The following ATP8B4 variants were observed in gnomAD, a reference collection of about 807,000 sequenced individuals.
ATP8B4 encodes the protein ATPase phospholipid transporting 8B4 (putative).
Under a neutral mutation model 145.6 loss-of-function variants are expected in ATP8B4, and 133 were observed. The observed-to-expected ratio is 0.91, with a 90% CI of 0.79 to 1.05. The LOEUF (loss-of-function observed/expected upper bound fraction) is 1.05. Ranked by LOEUF, ATP8B4 falls within the 50% of genes least tolerant of loss-of-function variation. The probability of loss-of-function intolerance (pLI) is 0.00; values close to 1 mark genes in which losing one functional copy is unlikely to be tolerated. For synonymous variants in ATP8B4, 507 were observed against 492.9 expected (o/e 1.03, Z -0.38); for missense variants, 1,458 against 1,425.2 (o/e 1.02, Z -0.37).
chr15:50,035,501 C>G (rs2050767013), intron 6 of ATP8B4, among the ~76,000 whole-genome samples: 1 of 152,096 alleles, frequency 6.6e-6, no homozygotes, highest in Non-Finnish European at 1.5e-5. Flanking sequence ...GCCATGAAAC[C>G]CTGGGCTAGT....
intron 6 of ATP8B4, among the ~76,000 whole-genome samples, chr15:50,026,830 C>A (rs1207024483): frequency 2.0e-5 from 3 of 152,230 alleles, no homozygotes; most frequent in Admixed American, 6.5e-5. Flanking sequence ...AAGAGTCTTA[C>A]AATGAGTAGC....
intron 27 of ATP8B4, 59 bp downstream of exon 27, chr15:49,862,186 G>T: frequency 1.3e-6 from 2 of 1,570,730 alleles, no homozygotes; most frequent in Non-Finnish European, 8.7e-7. Flanking sequence ...AGGCAGAAAA[G>T]GACACCATTT....
At chr15:50,051,516 C>CA (rs1314827572) in intron 3 of ATP8B4, among the ~76,000 whole-genome samples, 6 of 152,116 alleles carry the variant, frequency 3.9e-5, no homozygotes, top group Non-Finnish European at 4.4e-5. Flanking sequence ...GTACTGAAAA[C>CA]CGTTCTGAAA....
chr15:49,890,202 G>A (rs752825386), intron 23 of ATP8B4, among the ~76,000 whole-genome samples: 2 of 152,220 alleles, frequency 1.3e-5, no homozygotes, highest in African/African-American at 4.8e-5. Flanking sequence ...GTTGGTAAAT[G>A]AGCAAGCATT....
At chr15:50,023,779 C>CAAAAAAAAAAAAAAAAGAAAAAAAAAAAA (rs2049778895) in intron 6 of ATP8B4, among the ~76,000 whole-genome samples, 1 of 75,056 alleles carries the variant, frequency 1.3e-5, no homozygotes, top group Non-Finnish European at 2.5e-5. Flanking sequence ...AGACCAAAGG[C>CAAAAAAAAAAAAAAAAGAAAAAAAAAAAA]AAAAAAAAAA....
At chr15:49,936,659 T>C (rs1376691039) in intron 14 of ATP8B4, among the ~76,000 whole-genome samples, 1 of 152,186 alleles carries the variant, frequency 6.6e-6, no homozygotes, top group East Asian at 1.9e-4. Flanking sequence ...CAGGAGACTC[T>C]TTCAATTGGA....
chr15:49,880,460 T>C (rs948525839), intron 23 of ATP8B4: 1 of 152,162 alleles, frequency 6.6e-6, no homozygotes, highest in Non-Finnish European at 1.5e-5. Context: ...GGAAGAATAA[T>C]GGATGTCAGG....
chr15:50,076,595 A>G (rs1426304752), intron 2 of ATP8B4, among the ~76,000 whole-genome samples: 1 of 152,214 alleles, frequency 6.6e-6, no homozygotes, highest in Admixed American at 6.5e-5. Context: ...GCAGCCAAGT[A>G]GTTTCTATGG....
chr15:49,876,838 C>G (rs1472480379), intron 24 of ATP8B4: 8 of 457,604 alleles, frequency 1.7e-5, no homozygotes, highest in African/African-American at 1.4e-4. Flanking sequence ...CTTTCCTACA[C>G]TCTCCTGCAG....
At chr15:50,048,413 GA>G in intron 3 of ATP8B4, among the ~76,000 whole-genome samples, 1 of 152,232 alleles carries the variant, frequency 6.6e-6, no homozygotes, top group East Asian at 1.9e-4. Flanking sequence ...ATGCTAATAA[GA>G]AGGGCAAAGG....
In ATP8B4 at chr15:49,922,606, A is replaced by G. The variant is rs115721801; in HGVS notation, c.1758+773T>C. Among the ~76,000 whole-genome samples the G allele has an allele frequency of 6.1e-3, 935 of 152,340 alleles. 8 individuals carry two copies. The highest frequency in any genetic ancestry group is 0.021 in the African/African-American group (886 of 41,570). On this transcript the variant is annotated intron_variant, in intron 17 of 27. Transcript: ENST00000284509. Reference sequence around the variant, plus strand: ...GTCTGACAAAGAACATGAATACTCAATAATATCTTAAAGGAAAGAAACCAA... The same window carrying G: ...GTCTGACAAAGAACATGAATACTCAGTAATATCTTAAAGGAAAGAAACCAA...
rs35773416 is a variant in ATP8B4 at position 50,160,015 on chromosome 15, C to CTTTTTTTTTTT, written c.-43+22235_-43+22245dup. On this transcript the variant is annotated intron_variant, in intron 1 of 3. Coordinates refer to the ATP8B4 transcript ENST00000558829. The stretch of plus-strand genomic sequence containing the variant: ...GATAAAATTCAGCATCAGGTCCTGG[C>CTTTTTTTTTTT]TTTTTTTTTTTTTTTTTTTTTTTGC... Among the ~76,000 whole-genome samples, 76 of 20,090 alleles carry CTTTTTTTTTTT rather than the reference C, an allele frequency of 3.8e-3. 11 individuals carry two copies. Among genetic ancestry groups the CTTTTTTTTTTT allele is most frequent in the Middle Eastern group, 0.042 (1 of 24 alleles). The allele number at this position is 20,090 out of a possible 152,430, so 13.2% of individuals were successfully genotyped here. A position where few individuals can be genotyped will look rare whatever the true frequency, so the allele number is the denominator to read the frequency against.
intron 3 of ATP8B4, among the ~76,000 whole-genome samples, chr15:50,066,493 C>CATGTG (rs2053390733): frequency 1.3e-5 from 2 of 152,168 alleles, no homozygotes; most frequent in South Asian, 4.1e-4. Context: ...GGATCTGCAT[C>CATGTG]ATGTGGGCAG....
chr15:50,010,787 T>A, intron 7 of ATP8B4, 58 bp downstream of exon 7: 1 of 1,170,170 alleles, frequency 8.5e-7, no homozygotes, highest in Non-Finnish European at 1.2e-6. Context: ...TGTAAATACT[T>A]CCATATATAT....
chr15:50,072,958 CTCTCTCTCTCTCTCTCTCTCTCTATATA>C (rs2053873256), intron 3 of ATP8B4, among the ~76,000 whole-genome samples: 1 of 32,308 alleles, frequency 3.1e-5, no homozygotes, highest in African/African-American at 1.4e-4. Flanking sequence ...CTCTCTCTCT[CTCTCTCTCTCTCTCTCTCTCTCTATATA>C]TATATATATA....
At chr15:50,100,104 G>A (rs932941180) in intron 2 of ATP8B4, among the ~76,000 whole-genome samples, 1 of 151,848 alleles carries the variant, frequency 6.6e-6, no homozygotes, top group Non-Finnish European at 1.5e-5. Context: ...AGCATATCTG[G>A]GAGAAAATTG....
intron 8 of ATP8B4, among the ~76,000 whole-genome samples, chr15:49,998,590 TG>T (rs2153557713): frequency 6.6e-6 from 1 of 152,332 alleles, no homozygotes; most frequent in South Asian, 2.1e-4. Context: ...TGAGGTTGTT[TG>T]TTTTTTTCTT....
chr15:49,989,458 T>C (rs1268473989), intron 9 of ATP8B4, among the ~76,000 whole-genome samples: 2 of 151,852 alleles, frequency 1.3e-5, no homozygotes, highest in African/African-American at 2.4e-5. Context: ...AAAAACAACA[T>C]GATATGCAGT....
At chr15:50,145,618 T>C (rs12443171) in intron 1 of ATP8B4, among the ~76,000 whole-genome samples, 34,907 of 152,078 alleles carry the variant, frequency 0.23, 4,587 homozygotes, top group East Asian at 0.41. Flanking sequence ...AATAAATTCT[T>C]AAGGCTAATT....
Sources: gnomAD v4.1 joint callset for allele counts (sites outside exome capture counted in the v4.1 genomes callset) on GRCh38, gnomAD v4.1.1 for gene constraint, MANE v1.5 for transcripts, NCBI Gene and HGNC (gene_info 2026-07-23, HGNC 2026-07-21) for gene names.